Variants in DCAF6 observed in about 807,000 individuals in gnomAD.
DCAF6 encodes DDB1- and CUL4-associated factor 6.
A neutral mutation model predicts 125.1 loss-of-function variants in DCAF6; 54 were observed. The observed-to-expected ratio is 0.43, with a 90% CI of 0.35 to 0.54. The LOEUF (loss-of-function observed/expected upper bound fraction) is 0.54. Among genes scored for constraint, DCAF6 ranks in the 20% least tolerant of loss-of-function variants. The pLI is 0.01. For missense variants in DCAF6, 934 were observed against 1,161.7 expected, an observed-to-expected ratio of 0.80 and a Z score of 2.85; for synonymous variants, 371 against 390.4, an observed-to-expected ratio of 0.95 and a Z score of 0.58.
the DCAF6 span, among the ~76,000 whole-genome samples, chr1:167,920,359 C>T: frequency 3.3e-5 from 5 of 152,130 alleles, no homozygotes; most frequent in Non-Finnish European, 7.4e-5. Flanking sequence ...AAAGCAAAAG[C>T]CCATTCAGAT....
chr1:168,058,170 C>A (rs2101915834), intron 17 of DCAF6, among the ~76,000 whole-genome samples: 1 of 152,266 alleles, frequency 6.6e-6, no homozygotes, highest in East Asian at 1.9e-4. Context: ...ATCATTTTTA[C>A]TGCTATCTAA....
At chr1:167,921,770 G>T in the DCAF6 span, among the ~76,000 whole-genome samples, 1 of 152,024 alleles carries the variant, frequency 6.6e-6, no homozygotes, top group African/African-American at 2.4e-5. Context: ...GCACTGTAGT[G>T]TAATTTATCC....
intron 13 of DCAF6, 42 bp from the exon 14 acceptor site, chr1:168,042,983 A>C (rs373291485): frequency 2.0e-5 from 28 of 1,429,958 alleles, no homozygotes; most frequent in Non-Finnish European, 2.7e-5. Context: ...GATCATATTG[A>C]TTAACTTCTT....
At chr1:168,032,387 G>A (rs1298634390) in intron 12 of DCAF6, among the ~76,000 whole-genome samples, 2 of 152,186 alleles carry the variant, frequency 1.3e-5, no homozygotes, top group African/African-American at 4.8e-5. Context: ...TATACAAATA[G>A]TTGGAAGGAG....
At chr1:168,069,135 T>C (rs1692730943) in intron 21 of DCAF6, among the ~76,000 whole-genome samples, 1 of 152,224 alleles carries the variant, frequency 6.6e-6, no homozygotes, top group Admixed American at 6.5e-5. Flanking sequence ...TTCACAGCTT[T>C]ATCCTCATTT....
chr1:168,012,602 G>A (rs958048827), intron 10 of DCAF6, among the ~76,000 whole-genome samples: 4 of 152,148 alleles, frequency 2.6e-5, no homozygotes, highest in Non-Finnish European at 4.4e-5. Context: ...TATGTTGACT[G>A]CTTTAAAATT....
chr1:167,877,901 T>G, the DCAF6 span, among the ~76,000 whole-genome samples: 1 of 152,004 alleles, frequency 6.6e-6, no homozygotes, highest in Non-Finnish European at 1.5e-5. Context: ...GGAGATGAGG[T>G]TGGAAAGGCA....
At position 168,065,746 on chromosome 1, in the gene DCAF6, A is replaced by C. The variant is rs753077604; in HGVS notation, c.2596A>C (p.Ile866Leu). 1.9e-6 allele frequency: 3 copies of C among 1,609,124 alleles called. No homozygotes were observed. The highest frequency in any genetic ancestry group is 2.5e-6 in the Non-Finnish European group (3 of 1,177,538). ...NCLQPHPFDP[I>L]LASSGIDYDI... is the part of the protein sequence containing the mutation. ...CCTGCAGCCACATCCGTTTGACCCA[A>C]GTAAGATATCTTTTCTAGGACGAGG... The change falls in exon 19 of 22, where the codon ATT becomes CTT. Residue 866 changes from isoleucine to leucine, a missense_variant and splice_region_variant. This residue lies in a region of DCAF6 where 27 missense variants were observed against 85.1 expected (regional missense o/e 0.32). Coordinates refer to ENST00000367840, the MANE Select transcript of DCAF6 (RefSeq NM_001198956.2).
At chr1:167,880,647 A>C in the DCAF6 span, 2 of 1,493,724 alleles carry the variant, frequency 1.3e-6, no homozygotes, top group Non-Finnish European at 1.9e-6. Context: ...GCTGATGGAC[A>C]GTGTGCTTTA....
intron 1 of DCAF6, among the ~76,000 whole-genome samples, chr1:167,945,020 C>G (rs982542580): frequency 3.9e-5 from 6 of 152,292 alleles, no homozygotes; most frequent in African/African-American, 1.4e-4. Context: ...TGTCAAACAT[C>G]AGTTGGCTGC....
At chr1:168,048,648 C>T (rs1415098534) in intron 16 of DCAF6, among the ~76,000 whole-genome samples, 2 of 152,104 alleles carry the variant, frequency 1.3e-5, no homozygotes, top group Non-Finnish European at 2.9e-5. Context: ...ATGGAATGCT[C>T]TTCTCATTAA....
intron 11 of DCAF6, among the ~76,000 whole-genome samples, chr1:168,016,274 A>G (rs900784152): frequency 3.3e-5 from 5 of 152,146 alleles, no homozygotes; most frequent in African/African-American, 7.2e-5. Flanking sequence ...TGATCTTTCT[A>G]TTGAAAGTTT....
chr1:167,884,818 T>C, the DCAF6 span, among the ~76,000 whole-genome samples: 28 of 151,732 alleles, frequency 1.8e-4, no homozygotes, highest in Non-Finnish European at 2.5e-4. Flanking sequence ...CTGCCTCAGC[T>C]TCCAGAGTAG....
chr1:167,976,886 GTTTTTTTTTTTTTTTTTTT>G (rs397981860), intron 4 of DCAF6, among the ~76,000 whole-genome samples: 8 of 38,062 alleles, frequency 2.1e-4, no homozygotes, highest in South Asian at 1.4e-3. Context: ...TCCTTTAGCA[GTTTTTTTTTTTTTTTTTTT>G]TTTTTTTTTT....
chr1:167,933,150 T>C (rs2102560248), upstream of DCAF6, among the ~76,000 whole-genome samples: 1 of 151,466 alleles, frequency 6.6e-6, no homozygotes, highest in Admixed American at 6.6e-5. Flanking sequence ...AATATGTATC[T>C]ATACATAAAA....
chr1:167,969,822 G>A (rs1356018584), intron 3 of DCAF6, among the ~76,000 whole-genome samples: 1 of 152,116 alleles, frequency 6.6e-6, no homozygotes, highest in African/African-American at 2.4e-5. Context: ...TGTTGCCCAG[G>A]CTGGAGTGCA....
chr1:167,975,764 G>A (rs1249210595), intron 4 of DCAF6, among the ~76,000 whole-genome samples: 1 of 152,110 alleles, frequency 6.6e-6, no homozygotes, highest in Non-Finnish European at 1.5e-5. Flanking sequence ...TGTTGCCAGG[G>A]CTGGTCTCCA....
At chr1:167,966,544 A>C in intron 2 of DCAF6, 85 bp from the exon 3 acceptor site, 1 of 871,544 alleles carries the variant, frequency 1.1e-6, no homozygotes, top group Non-Finnish European at 1.9e-6. Flanking sequence ...TAGTGGTAAA[A>C]ATTTTGTACC....
chr1:167,960,958 A>G (rs1005857459), intron 2 of DCAF6, among the ~76,000 whole-genome samples: 1 of 152,086 alleles, frequency 6.6e-6, no homozygotes, highest in Non-Finnish European at 1.5e-5. Context: ...AAAATACTGA[A>G]TCTTTCTATT....
Sources: gnomAD v4.1 joint callset for allele counts (sites outside exome capture counted in the v4.1 genomes callset) on GRCh38, gnomAD v4.1.1 for gene constraint, gnomAD v4.1.1 regional missense constraint, MANE v1.5 for transcripts, NCBI Gene and HGNC (gene_info 2026-07-23, HGNC 2026-07-21) for gene names.